The following ZBTB16 variants were observed in gnomAD, a reference collection of about 807,000 sequenced individuals.
ZBTB16 encodes the protein zinc finger and BTB domain containing 16.
In ZBTB16, 8 loss-of-function variants were observed where a neutral mutation model predicts 56.8. The observed-to-expected ratio is 0.14, with a 90% CI of 0.08 to 0.25. The LOEUF is 0.25. Ranked by LOEUF, ZBTB16 falls within the 10% of genes least tolerant of loss-of-function variation. The pLI, the probability that ZBTB16 is intolerant of heterozygous loss-of-function variation, is 1.00. For missense variants in ZBTB16, 625 were observed against 903.0 expected, an observed-to-expected ratio of 0.69 and a Z score of 3.95; for synonymous variants, 363 against 368.5, an observed-to-expected ratio of 0.98 and a Z score of 0.17.
In ZBTB16 at chr11:114,063,534, G is replaced by T. The variant is rs1938968785; in HGVS notation, c.234G>T (p.Lys78Asn). ...QHYTLDFLSP[K>N]TFQQILEYAY... Reference sequence around the variant, plus strand: ...ATACTTTGGACTTCCTCTCGCCAAAGACCTTCCAGCAGATTCTGGAGTATG... The same window carrying T: ...ATACTTTGGACTTCCTCTCGCCAAATACCTTCCAGCAGATTCTGGAGTATG... The change falls in exon 2 of 7, where the codon AAG (lysine) becomes AAT (asparagine). Residue 78 changes from lysine (K) to asparagine (N), a missense_variant. This residue lies in a region of ZBTB16 where 54 missense variants were observed against 159.4 expected (regional missense o/e 0.34). Coordinates refer to ENST00000335953, the MANE Select transcript of ZBTB16 (RefSeq NM_006006.6). The surrounding 1 kb of genome is among the most constrained non-coding windows in gnomAD (Gnocchi z 6.5). 3 of 1,614,224 alleles carry T rather than the reference G, an allele frequency of 1.9e-6. No homozygotes were observed. Among genetic ancestry groups the T allele is most frequent in the Non-Finnish European group, 1.7e-6 (2 of 1,180,046 alleles).
At chr11:114,247,744 T>C (rs1944844094) in intron 6 of ZBTB16, among the ~76,000 whole-genome samples, 1 of 152,344 alleles carries the variant, frequency 6.6e-6, no homozygotes, top group South Asian at 2.1e-4. Flanking sequence ...TTCATGTTAC[T>C]CAAGGGTTAG....
At chr11:114,093,418 TC>T in intron 2 of ZBTB16, among the ~76,000 whole-genome samples, 1 of 152,190 alleles carries the variant, frequency 6.6e-6, no homozygotes, top group East Asian at 1.9e-4. Flanking sequence ...TCCCCTCTCT[TC>T]CTCCACTACA....
chr11:114,254,147 TG>T lies in ZBTB16; in HGVS notation c.*3593del, dbSNP rs1431279755. Among the ~76,000 whole-genome samples, 3 of 152,148 alleles carry T rather than the reference TG, an allele frequency of 2.0e-5. No homozygotes were observed. Among genetic ancestry groups the T allele is most frequent in the African/African-American group, 7.2e-5 (3 of 41,526 alleles). On this transcript the variant is annotated 3_prime_UTR_variant, in exon 7 of 7. Coordinates refer to ENST00000335953, the MANE Select transcript of ZBTB16 (RefSeq NM_006006.6). ...ACTCATTCAAAGCATTAAAATCCTA[TG>T]TATATATAGGATAGACAAATATATA... is the stretch of plus-strand genomic sequence containing the variant.
At chr11:114,134,309 A>G (rs900624902) in intron 2 of ZBTB16, among the ~76,000 whole-genome samples, 9 of 152,298 alleles carry the variant, frequency 5.9e-5, no homozygotes, top group Non-Finnish European at 1.0e-4. Flanking sequence ...GCTGCCAAAC[A>G]GAGCTGTATT....
intron 2 of ZBTB16, among the ~76,000 whole-genome samples, chr11:114,124,570 A>AACAAAAAAAAAAAAC (rs1941445924): frequency 1.4e-5 from 2 of 146,582 alleles, no homozygotes; most frequent in Non-Finnish European, 3.0e-5. Flanking sequence ...AAAAAAAAAA[A>AACAAAAAAAAAAAAC]AACAAAAACA....
At chr11:114,187,412 ACTGAAACC>A (rs1442288509) in intron 4 of ZBTB16, 1 of 281,346 alleles carries the variant, frequency 3.6e-6, no homozygotes. Context: ...ATCTGATGAA[ACTGAAACC>A]CTCGTGTGGC....
intron 4 of ZBTB16, among the ~76,000 whole-genome samples, chr11:114,191,268 C>T (rs1362930908): frequency 6.6e-6 from 1 of 152,114 alleles, no homozygotes; most frequent in East Asian, 1.9e-4. Context: ...ACATTTTGGT[C>T]AACAATGGAT....
chr11:114,203,390 G>A (rs1565683873), intron 4 of ZBTB16, among the ~76,000 whole-genome samples: 1 of 152,082 alleles, frequency 6.6e-6, no homozygotes, highest in Admixed American at 6.5e-5. Context: ...ATGGTATTCA[G>A]CTTTATGAAT....
At chr11:114,215,457 G>A (rs1362585791) in intron 4 of ZBTB16, among the ~76,000 whole-genome samples, 3 of 152,220 alleles carry the variant, frequency 2.0e-5, no homozygotes, top group African/African-American at 7.2e-5. Flanking sequence ...AAAAGGGGAA[G>A]GGAAAGATAT....
chr11:114,092,488 A>C (rs1940229836), intron 2 of ZBTB16, among the ~76,000 whole-genome samples: 1 of 152,188 alleles, frequency 6.6e-6, no homozygotes, highest in Non-Finnish European at 1.5e-5. Flanking sequence ...TTGTCCTCAC[A>C]TCCATTGTGG....
chr11:114,191,080 A>T (rs1943483051), intron 4 of ZBTB16, among the ~76,000 whole-genome samples: 1 of 152,062 alleles, frequency 6.6e-6, no homozygotes, highest in Non-Finnish European at 1.5e-5. Flanking sequence ...TATCTAAGAG[A>T]ACTCACTCAT....
chr11:114,186,273 G>GA (rs56750687), intron 3 of ZBTB16, among the ~76,000 whole-genome samples: 87,719 of 151,448 alleles, frequency 0.58, 25,937 homozygotes, highest in African/African-American at 0.69. Flanking sequence ...GCCTAGCAAT[G>GA]GGAAGAACAC....
intron 2 of ZBTB16, among the ~76,000 whole-genome samples, chr11:114,121,309 C>A (rs1000199650): frequency 1.3e-5 from 2 of 152,120 alleles, no homozygotes; most frequent in African/African-American, 4.8e-5. Flanking sequence ...TGGTGCAAGC[C>A]AGCTCCAGGG....
rs747409660 is a variant in ZBTB16, at chr11:114,064,316, A to G, written c.1016A>G (p.Asn339Ser). 1 of 1,613,988 alleles carries G rather than the reference A, an allele frequency of 6.2e-7. No homozygotes were observed. Among genetic ancestry groups the G allele is most frequent in the African/African-American group, 1.3e-5 (1 of 74,928 alleles). ...KHLGIYSVLP[N>S]HKADAVLSMP... Reference sequence around the variant, plus strand: ...CTGGGCATCTACTCCGTGTTGCCCAACCACAAGGCTGACGCTGTATTGAGC... The same window carrying G: ...CTGGGCATCTACTCCGTGTTGCCCAGCCACAAGGCTGACGCTGTATTGAGC... The change falls in exon 2 of 7, where the codon AAC becomes AGC. Residue 339 changes from asparagine to serine, a missense_variant. Coordinates refer to ENST00000335953, the MANE Select transcript of ZBTB16 (RefSeq NM_006006.6). The surrounding 1 kb of genome is among the most constrained non-coding windows in gnomAD (Gnocchi z 4.2).
intron 4 of ZBTB16, among the ~76,000 whole-genome samples, chr11:114,240,015 A>G (rs1366020455): frequency 6.6e-6 from 1 of 152,250 alleles, no homozygotes; most frequent in Non-Finnish European, 1.5e-5. Flanking sequence ...AACTGACAAC[A>G]TAGATAAGGT....
At chr11:114,202,171 A>G (rs1943751110) in intron 4 of ZBTB16, among the ~76,000 whole-genome samples, 1 of 152,208 alleles carries the variant, frequency 6.6e-6, no homozygotes, top group African/African-American at 2.4e-5. Context: ...GTGAGTAAGA[A>G]GAGAGCTTTT....
chr11:114,236,688 T>C (rs1944598396), intron 4 of ZBTB16, among the ~76,000 whole-genome samples: 1 of 152,180 alleles, frequency 6.6e-6, no homozygotes, highest in Non-Finnish European at 1.5e-5. Flanking sequence ...TCCTCATACC[T>C]CCTCCTCTAC....
intron 6 of ZBTB16, among the ~76,000 whole-genome samples, chr11:114,249,448 A>G (rs1944876113): frequency 1.0e-5 from 1 of 97,012 alleles, no homozygotes; most frequent in Non-Finnish European, 1.9e-5. Flanking sequence ...ACAGAGTGAG[A>G]CTCCATCTCA....
At position 114,108,967 on chromosome 11, in the gene ZBTB16, T is replaced by G. The variant is rs570243595; in HGVS notation, c.1268+44399T>G. On this transcript the variant is annotated intron_variant, in intron 2 of 6. Coordinates refer to ENST00000335953, the MANE Select transcript of ZBTB16 (RefSeq NM_006006.6). ...TCCTAGCTTCACTAAGTTGCCGCTC[T>G]GCCTACCTCCTGCGTGTGCTTCCCT... Among the ~76,000 whole-genome samples the G allele has an allele frequency of 8.5e-5, 13 of 152,376 alleles. 1 individual carries two copies. In the South Asian group the frequency reaches 2.7e-3, roughly 32 times the overall value.
Sources: allele counts gnomAD v4.1 joint callset (sites outside exome capture counted in the v4.1 genomes callset), GRCh38; gene constraint gnomAD v4.1.1; regional missense constraint gnomAD v4.1.1; non-coding constraint Gnocchi (gnomAD v3.1); transcripts MANE v1.5; gene names NCBI Gene and HGNC (gene_info 2026-07-23, HGNC 2026-07-21).